PARD3: variants seen among roughly 807,000 people sequenced by gnomAD.
PARD3 encodes the protein par-3 family cell polarity regulator.
In PARD3, 75 loss-of-function variants were observed where a neutral mutation model predicts 155.4. The ratio of observed to expected loss-of-function variants is 0.48; its 90% CI spans 0.40 to 0.58. The LOEUF (loss-of-function observed/expected upper bound fraction) is 0.58, where lower values mean the gene tolerates loss of function less well. Ranked by LOEUF, PARD3 falls within the 20% of genes least tolerant of loss-of-function variation. The probability of loss-of-function intolerance (pLI) is 0.00; values close to 1 mark genes in which losing one functional copy is unlikely to be tolerated. For synonymous variants in PARD3, 576 were observed against 610.5 expected, an observed-to-expected ratio of 0.94 and a Z score of 0.83; for missense variants, 1,642 against 1,721.7, an observed-to-expected ratio of 0.95 and a Z score of 0.82.
chr10:34,121,394 T>C (rs1396361495), intron 23 of PARD3, among the ~76,000 whole-genome samples: 1 of 152,254 alleles, frequency 6.6e-6, no homozygotes. Context: ...TCCCCCTCTG[T>C]TATGCAACGT....
chr10:34,556,157 T>C (rs545186914), intron 2 of PARD3, among the ~76,000 whole-genome samples: 2 of 152,340 alleles, frequency 1.3e-5, no homozygotes, highest in South Asian at 4.1e-4. Context: ...GAGTTCTCAA[T>C]GTCTTTCTAG....
chr10:34,470,961 G>GT (rs1230763670), intron 3 of PARD3, among the ~76,000 whole-genome samples: 6 of 152,114 alleles, frequency 3.9e-5, no homozygotes, highest in African/African-American at 1.4e-4. Flanking sequence ...TGGTATGCAT[G>GT]TATCAAAACA....
Position 34,169,445 on chromosome 10 carries a change from T to C in PARD3, c.3420-37862A>G, listed in dbSNP as rs79659128. 5.5e-3 allele frequency among the ~76,000 whole-genome samples: 832 copies of C among 152,258 alleles called. 13 individuals carry two copies. Among genetic ancestry groups the C allele is most frequent in the African/African-American group, 0.019 (793 of 41,536 alleles). ...TTGAAAGTTCATCTCTTAGTTTTACTGACAAATATAATGAGAAACTTGAAA... is the reference window on the plus strand; with the variant it reads ...TTGAAAGTTCATCTCTTAGTTTTACCGACAAATATAATGAGAAACTTGAAA... On this transcript the variant is annotated intron_variant, in intron 22 of 24. Transcript: ENST00000374788.
At chr10:34,519,745 C>T (rs957865501) in intron 2 of PARD3, among the ~76,000 whole-genome samples, 4 of 151,876 alleles carry the variant, frequency 2.6e-5, no homozygotes, top group South Asian at 4.2e-4. Flanking sequence ...ACCCAGAAGG[C>T]GGAGGGTGCA....
intron 2 of PARD3, among the ~76,000 whole-genome samples, chr10:34,687,919 A>C (rs951997639): frequency 7.9e-6 from 1 of 126,050 alleles, no homozygotes; most frequent in African/African-American, 3.1e-5. Context: ...GAGCAGCGTG[A>C]TCATGGCTCA....
chr10:34,762,469 C>CTT lies in PARD3; in HGVS notation c.120+52405_120+52406dup, dbSNP rs72049773. Among the ~76,000 whole-genome samples, 94 of 98,660 alleles carry CTT rather than the reference C, an allele frequency of 9.5e-4. 2 individuals are homozygous for CTT. Among genetic ancestry groups the CTT allele is most frequent in the African/African-American group, 3.3e-3 (85 of 25,916 alleles). 64.7% of individuals were successfully genotyped at this position (98,660 alleles called of 152,430 possible). A position where few individuals can be genotyped will look rare whatever the true frequency, so the allele number is the denominator to read the frequency against. On this transcript the variant is annotated intron_variant, in intron 1 of 24. Transcript: ENST00000374788. The stretch of plus-strand genomic sequence containing the variant: ...CACAGACACATGCCACCATGCCTGA[C>CTT]TTTTTTTTTTTTTTTTTTTTGTAGA...
chr10:34,573,733 AAAAACACACACACACACACACACACAC>A (rs2086646844), intron 2 of PARD3, among the ~76,000 whole-genome samples: 14 of 118,382 alleles, frequency 1.2e-4, no homozygotes, highest in South Asian at 9.3e-4. Context: ...ACAAACAAAC[AAAAACACACACACACACACACACACAC>A]ACACACACAC....
chr10:34,658,941 C>A (rs1448903267), intron 2 of PARD3, among the ~76,000 whole-genome samples: 1 of 152,196 alleles, frequency 6.6e-6, no homozygotes, highest in Non-Finnish European at 1.5e-5. Flanking sequence ...TATAATTGTG[C>A]ATGTCACAGA....
At chr10:34,484,517 T>G (rs2079307792) in intron 3 of PARD3, among the ~76,000 whole-genome samples, 1 of 152,146 alleles carries the variant, frequency 6.6e-6, no homozygotes, top group Admixed American at 6.5e-5. Context: ...TAACATAGTT[T>G]TTGTTGTTGT....
At chr10:34,680,013 A>G (rs1426097985) in intron 2 of PARD3, among the ~76,000 whole-genome samples, 1 of 152,144 alleles carries the variant, frequency 6.6e-6, no homozygotes, top group African/African-American at 2.4e-5. Flanking sequence ...GGATGCACTA[A>G]AAGCCCAGAC....
At chr10:34,598,516 A>G (rs1163871984) in intron 2 of PARD3, among the ~76,000 whole-genome samples, 2 of 152,192 alleles carry the variant, frequency 1.3e-5, no homozygotes, top group African/African-American at 2.4e-5. Flanking sequence ...CTCTCTTGAC[A>G]ATATGAGAAT....
intron 2 of PARD3, among the ~76,000 whole-genome samples, chr10:34,609,242 A>G (rs893762229): frequency 6.6e-6 from 1 of 152,232 alleles, no homozygotes; most frequent in Non-Finnish European, 1.5e-5. Context: ...TCAATTAATT[A>G]TGAGTCTAAA....
chr10:34,605,120 T>A (rs1357373013), intron 2 of PARD3, among the ~76,000 whole-genome samples: 2 of 150,480 alleles, frequency 1.3e-5, no homozygotes, highest in African/African-American at 4.9e-5. Context: ...GTAAAAATAA[T>A]CCATGCCGGA....
At chr10:34,553,315 A>G (rs1013480829) in intron 2 of PARD3, among the ~76,000 whole-genome samples, 1 of 152,212 alleles carries the variant, frequency 6.6e-6, no homozygotes, top group African/African-American at 2.4e-5. Context: ...GAGTGCACAG[A>G]GCAGAACCCA....
chr10:34,701,032 G>A (rs932295872), intron 1 of PARD3, among the ~76,000 whole-genome samples: 1 of 152,102 alleles, frequency 6.6e-6, no homozygotes, highest in East Asian at 1.9e-4. Context: ...GGTAGACCAC[G>A]TGTTCAAAGA....
intron 1 of PARD3, among the ~76,000 whole-genome samples, chr10:34,755,734 A>G (rs1221378408): frequency 3.3e-5 from 5 of 151,718 alleles, no homozygotes; most frequent in Admixed American, 6.6e-5. Flanking sequence ...GGAATGGGAA[A>G]AAGAAAACAT....
intron 3 of PARD3, among the ~76,000 whole-genome samples, chr10:34,508,820 C>T (rs1206969587): frequency 6.6e-6 from 1 of 152,134 alleles, no homozygotes; most frequent in African/African-American, 2.4e-5. Context: ...TTTACACATC[C>T]CCAGGAAGTG....
chr10:34,409,318 T>C (rs776308991), intron 5 of PARD3, among the ~76,000 whole-genome samples: 4 of 152,146 alleles, frequency 2.6e-5, no homozygotes, highest in African/African-American at 7.2e-5. Flanking sequence ...AGTTCCAATA[T>C]GTAAGTCTTC....
intron 3 of PARD3, among the ~76,000 whole-genome samples, chr10:34,514,509 G>A (rs2081589197): frequency 6.6e-6 from 1 of 152,196 alleles, no homozygotes; most frequent in Non-Finnish European, 1.5e-5. Flanking sequence ...CATGTGTGAT[G>A]CATTACGTTC....
Sources: gnomAD v4.1 joint callset for allele counts (sites outside exome capture counted in the v4.1 genomes callset) on GRCh38, gnomAD v4.1.1 for gene constraint, MANE v1.5 for transcripts, NCBI Gene and HGNC (gene_info 2026-07-23, HGNC 2026-07-21) for gene names.